LRRTM4: variants seen among roughly 807,000 people sequenced by gnomAD.
LRRTM4 encodes leucine-rich repeat transmembrane neuronal protein 4.
In LRRTM4, 25 loss-of-function variants were observed where a neutral mutation model predicts 47.6. The observed-to-expected ratio is 0.53, with a 90% CI of 0.38 to 0.73. The LOEUF (loss-of-function observed/expected upper bound fraction) is 0.73. Ranked by LOEUF, LRRTM4 falls within the 30% of genes least tolerant of loss-of-function variation. LRRTM4 has a pLI of 0.00. For synonymous variants in LRRTM4, 311 were observed against 269.5 expected, an observed-to-expected ratio of 1.15 and a Z score of -1.51; for missense variants, 638 against 713.4, an observed-to-expected ratio of 0.89 and a Z score of 1.20.
intron 3 of LRRTM4, among the ~76,000 whole-genome samples, chr2:77,080,313 C>A (rs984018755): frequency 6.6e-6 from 1 of 152,172 alleles, no homozygotes; most frequent in African/African-American, 2.4e-5. Flanking sequence ...CTCATGTTAA[C>A]TGTCAGTTTC....
chr2:76,946,556 A>C (rs1675329974), intron 3 of LRRTM4, among the ~76,000 whole-genome samples: 3 of 151,866 alleles, frequency 2.0e-5, no homozygotes, highest in African/African-American at 7.2e-5. Flanking sequence ...GTGAAGTGGC[A>C]AATACAGAGT....
intron 3 of LRRTM4, among the ~76,000 whole-genome samples, chr2:76,776,862 G>C (rs1665602474): frequency 7.0e-6 from 1 of 141,892 alleles, no homozygotes; most frequent in African/African-American, 2.6e-5. Flanking sequence ...GTATTGCCTA[G>C]GTTTTCTTCT....
At chr2:77,312,147 C>T (rs1677474242) in intron 3 of LRRTM4, among the ~76,000 whole-genome samples, 1 of 152,132 alleles carries the variant, frequency 6.6e-6, no homozygotes, top group African/African-American at 2.4e-5. Context: ...TCACTGCCCA[C>T]AAATCCCTGT....
At chr2:77,480,822 GGAGAGAGAGAGAGAGAGAGA>G (rs67377276) in intron 3 of LRRTM4, among the ~76,000 whole-genome samples, 25 of 74,516 alleles carry the variant, frequency 3.4e-4, no homozygotes, top group African/African-American at 1.1e-3. Flanking sequence ...GTGTGTGTGT[GGAGAGAGAGAGAGAGAGAGA>G]GAGAGAGAGA....
intron 3 of LRRTM4, among the ~76,000 whole-genome samples, chr2:77,378,574 A>C (rs1036663152): frequency 1.3e-5 from 2 of 152,154 alleles, no homozygotes; most frequent in African/African-American, 4.8e-5. Context: ...TAATTTAGGC[A>C]TTAAAAGTTC....
chr2:76,998,246 C>G (rs1011085311), intron 3 of LRRTM4, among the ~76,000 whole-genome samples: 1 of 152,030 alleles, frequency 6.6e-6, no homozygotes, highest in Admixed American at 6.6e-5. Context: ...ATACAATACA[C>G]TGCCTGCTAT....
chr2:76,940,412 C>A (rs148587291), intron 3 of LRRTM4, among the ~76,000 whole-genome samples: 4 of 152,242 alleles, frequency 2.6e-5, no homozygotes, highest in African/African-American at 9.6e-5. Context: ...CACCTGTTCT[C>A]ACTTATAAGT....
At chr2:77,488,904 T>C (rs1226507943) in intron 3 of LRRTM4, among the ~76,000 whole-genome samples, 1 of 151,640 alleles carries the variant, frequency 6.6e-6, no homozygotes, top group African/African-American at 2.4e-5. Context: ...ACCACATATG[T>C]ATACATGTGC....
At chr2:77,469,982 T>C (rs946695244) in intron 3 of LRRTM4, among the ~76,000 whole-genome samples, 2 of 152,142 alleles carry the variant, frequency 1.3e-5, no homozygotes, top group Admixed American at 1.3e-4. Flanking sequence ...ACTGTGAATT[T>C]ATATTTCTGG....
intron 3 of LRRTM4, among the ~76,000 whole-genome samples, chr2:77,347,933 G>C (rs1671627695): frequency 6.6e-6 from 1 of 151,358 alleles, no homozygotes; most frequent in South Asian, 2.1e-4. Context: ...CTTGAACCGT[G>C]TCATATTACA....
At chr2:76,861,022 G>A (rs1205324411) in intron 3 of LRRTM4, among the ~76,000 whole-genome samples, 1 of 151,988 alleles carries the variant, frequency 6.6e-6, no homozygotes, top group East Asian at 1.9e-4. Flanking sequence ...TTTTTCTAGA[G>A]GTGATAGTTT....
chr2:77,409,399 G>A (rs1441288154), intron 3 of LRRTM4, among the ~76,000 whole-genome samples: 1 of 152,120 alleles, frequency 6.6e-6, no homozygotes, highest in Non-Finnish European at 1.5e-5. Context: ...AAATCAGAAG[G>A]ACAAGCTAGG....
chr2:77,061,649 G>A (rs770880989), intron 3 of LRRTM4, among the ~76,000 whole-genome samples: 6 of 152,040 alleles, frequency 3.9e-5, no homozygotes, highest in Non-Finnish European at 7.4e-5. Flanking sequence ...AAAATATCAT[G>A]TTCATATATA....
At chr2:76,803,375 T>C (rs560697595) in intron 3 of LRRTM4, among the ~76,000 whole-genome samples, 9 of 152,106 alleles carry the variant, frequency 5.9e-5, no homozygotes, top group Non-Finnish European at 7.4e-5. Flanking sequence ...ATCAGGGAAA[T>C]GCAAATTTAA....
intron 3 of LRRTM4, among the ~76,000 whole-genome samples, chr2:77,118,072 G>A (rs1207530160): frequency 6.6e-6 from 1 of 151,788 alleles, no homozygotes; most frequent in East Asian, 1.9e-4. Flanking sequence ...AATTAAATTT[G>A]TTGTCTTCAG....
intron 3 of LRRTM4, among the ~76,000 whole-genome samples, chr2:77,023,143 G>A (rs1290061672): frequency 6.6e-6 from 1 of 152,234 alleles, no homozygotes; most frequent in Non-Finnish European, 1.5e-5. Context: ...AGGGCTTGGG[G>A]TTTGCACCCT....
chr2:76,830,515 CGTGTGTGTGTGTGTGT>C (rs57566911), intron 3 of LRRTM4, among the ~76,000 whole-genome samples: 340 of 144,086 alleles, frequency 2.4e-3, no homozygotes, highest in African/African-American at 8.0e-3. Flanking sequence ...GCAGTGTGTG[CGTGTGTGTGTGTGTGT>C]GTGTGTGTGT....
chr2:76,867,937 G>A (rs1368525681), intron 3 of LRRTM4, among the ~76,000 whole-genome samples: 1 of 152,100 alleles, frequency 6.6e-6, no homozygotes, highest in Non-Finnish European at 1.5e-5. Flanking sequence ...GGTTTAAGTA[G>A]CCTTTGGAAT....
At chr2:77,291,259 C>T (rs1424196107) in intron 3 of LRRTM4, among the ~76,000 whole-genome samples, 1 of 151,698 alleles carries the variant, frequency 6.6e-6, no homozygotes, top group Admixed American at 6.6e-5. Flanking sequence ...AGAATTGAAA[C>T]TAATTTGGTA....
Sources: gnomAD v4.1 joint callset for allele counts (sites outside exome capture counted in the v4.1 genomes callset) on GRCh38, gnomAD v4.1.1 for gene constraint, MANE v1.5 for transcripts, NCBI Gene and HGNC (gene_info 2026-07-23, HGNC 2026-07-21) for gene names.